Variants in RANBP2 observed in about 807,000 individuals in gnomAD.
RANBP2 encodes RAN binding protein 2, also known as E3 SUMO-protein ligase RanBP2.
Under a neutral mutation model 303.6 loss-of-function variants are expected in RANBP2, and 57 were observed. The observed-to-expected ratio is 0.19, with a 90% CI of 0.15 to 0.23. RANBP2 has a LOEUF of 0.23. Among genes scored for constraint, RANBP2 ranks in the 10% least tolerant of loss-of-function variants. RANBP2 has a pLI of 1.00. For missense variants in RANBP2, 3,138 were observed against 3,780.8 expected (o/e 0.83, Z 4.46); for synonymous variants, 1,167 against 1,301.5 (o/e 0.90, Z 2.23).
At chr2:109,069,227 G>C in the RANBP2 span, among the ~76,000 whole-genome samples, 1 of 152,190 alleles carries the variant, frequency 6.6e-6, no homozygotes, top group East Asian at 1.9e-4. Context: ...CATAAAAAGG[G>C]GGGCTTATAA....
the RANBP2 span, among the ~76,000 whole-genome samples, chr2:109,600,211 CT>C: frequency 6.6e-6 from 1 of 152,172 alleles, no homozygotes; most frequent in Non-Finnish European, 1.5e-5. Flanking sequence ...CCCTTCTTTC[CT>C]TGCACGGCTA....
intron 23 of RANBP2, among the ~76,000 whole-genome samples, chr2:108,774,829 C>T (rs767817336): frequency 6.6e-5 from 10 of 151,750 alleles, no homozygotes; most frequent in Admixed American, 1.3e-4. Context: ...TCTCAGCCAC[C>T]CGAGTATCTG....
At chr2:109,286,474 C>G in the RANBP2 span, among the ~76,000 whole-genome samples, 52,219 of 151,986 alleles carry the variant, frequency 0.34, 9,141 homozygotes, top group South Asian at 0.41. Context: ...AGCTGCACCA[C>G]AGTCCCGCAC....
intron 18 of RANBP2, among the ~76,000 whole-genome samples, chr2:108,760,433 A>G (rs1339682122): frequency 6.6e-6 from 1 of 152,188 alleles, no homozygotes; most frequent in Non-Finnish European, 1.5e-5. Flanking sequence ...GAAGTACTGT[A>G]AATTCTGTTC....
the RANBP2 span, among the ~76,000 whole-genome samples, chr2:109,511,255 C>T: frequency 6.6e-6 from 1 of 152,198 alleles, no homozygotes; most frequent in Non-Finnish European, 1.5e-5. Context: ...CTTGCTGTGA[C>T]AGTGCTCCCT....
the RANBP2 span, chr2:108,907,884 A>G: frequency 6.2e-7 from 1 of 1,613,612 alleles, no homozygotes; most frequent in Non-Finnish European, 8.5e-7. Context: ...TGCTGGTGGC[A>G]GACTTCTCCC....
At chr2:108,859,632 G>C in the RANBP2 span, among the ~76,000 whole-genome samples, 6 of 151,954 alleles carry the variant, frequency 3.9e-5, no homozygotes, top group Non-Finnish European at 7.4e-5. Context: ...TTTTATTTCA[G>C]TTTCTCTATT....
At chr2:109,707,291 A>G in the RANBP2 span, among the ~76,000 whole-genome samples, 2 of 152,132 alleles carry the variant, frequency 1.3e-5, no homozygotes, top group Non-Finnish European at 2.9e-5. Flanking sequence ...ACTGCTGACA[A>G]AAAGAACCCA....
chr2:109,564,172 AAAAAGCAAGACTCTTC>A, the RANBP2 span: 2 of 449,774 alleles, frequency 4.4e-6, no homozygotes, highest in Non-Finnish European at 7.4e-6. Flanking sequence ...ACAAGGACTT[AAAAAGCAAGACTCTTC>A]AAAAGCAAGA....
chr2:108,884,387 A>G, the RANBP2 span: 3 of 152,210 alleles, frequency 2.0e-5, 1 homozygote, highest in Non-Finnish European at 4.4e-5. Flanking sequence ...AAGGCACAGA[A>G]TGGGCATTCA....
chr2:108,994,089 T>C, the RANBP2 span, among the ~76,000 whole-genome samples: 1 of 152,160 alleles, frequency 6.6e-6, no homozygotes, highest in Non-Finnish European at 1.5e-5. Flanking sequence ...AATATATGAA[T>C]TTCAGGGGAG....
chr2:109,256,031 G>A, the RANBP2 span, among the ~76,000 whole-genome samples: 3 of 152,100 alleles, frequency 2.0e-5, no homozygotes, highest in Admixed American at 2.0e-4. Flanking sequence ...CTCTCTTACT[G>A]TCCTCTTTTT....
the RANBP2 span, among the ~76,000 whole-genome samples, chr2:109,097,425 A>C: frequency 3.9e-5 from 6 of 152,178 alleles, no homozygotes; most frequent in African/African-American, 9.7e-5. Flanking sequence ...GTCCTGCAAA[A>C]AAACAAACAA....
At chr2:109,059,076 CG>C in the RANBP2 span, among the ~76,000 whole-genome samples, 1 of 152,012 alleles carries the variant, frequency 6.6e-6, no homozygotes, top group African/African-American at 2.4e-5. Context: ...CTGCCACCTC[CG>C]GGCCTTATCG....
the RANBP2 span, among the ~76,000 whole-genome samples, chr2:108,837,439 T>C: frequency 1.3e-5 from 2 of 152,342 alleles, no homozygotes; most frequent in South Asian, 4.1e-4. Context: ...TGTATAATGA[T>C]GTTTAAGACA....
At chr2:109,215,739 A>G in the RANBP2 span, among the ~76,000 whole-genome samples, 1 of 152,160 alleles carries the variant, frequency 6.6e-6, no homozygotes, top group Non-Finnish European at 1.5e-5. Context: ...CTGCTAGGAC[A>G]TCTAATGGGG....
At chr2:109,714,366 A>C in the RANBP2 span, among the ~76,000 whole-genome samples, 3 of 152,018 alleles carry the variant, frequency 2.0e-5, no homozygotes, top group East Asian at 5.8e-4. Flanking sequence ...CAGTGGTGTG[A>C]TATTGGCTCA....
chr2:109,179,003 A>ATGTGTGCGTGTGTG, the RANBP2 span, among the ~76,000 whole-genome samples: 1 of 142,066 alleles, frequency 7.0e-6, no homozygotes, highest in Non-Finnish European at 1.6e-5. Flanking sequence ...AAGTATAATA[A>ATGTGTGCGTGTGTG]TGTGTGTGTG....
chr2:109,778,482 A>G, the RANBP2 span, among the ~76,000 whole-genome samples: 3 of 150,180 alleles, frequency 2.0e-5, no homozygotes, highest in South Asian at 6.3e-4. Context: ...AAGGTTTAGT[A>G]GCCAGGCATT....
Sources: gnomAD v4.1 joint callset for allele counts (sites outside exome capture counted in the v4.1 genomes callset) on GRCh38, gnomAD v4.1.1 for gene constraint, MANE v1.5 for transcripts, NCBI Gene and HGNC (gene_info 2026-07-23, HGNC 2026-07-21) for gene names.